The following CAMK2B variants were observed in gnomAD, a reference collection of about 807,000 sequenced individuals.
The protein encoded by CAMK2B is calcium/calmodulin-dependent protein kinase type II subunit beta.
Under a neutral mutation model 93.7 loss-of-function variants are expected in CAMK2B, and 27 were observed. The observed-to-expected ratio is 0.29, with a 90% CI of 0.21 to 0.40. CAMK2B has a LOEUF of 0.40. Ranked by LOEUF, CAMK2B falls within the 10% of genes least tolerant of loss-of-function variation. CAMK2B has a pLI of 1.00. For missense variants in CAMK2B, 568 were observed against 895.8 expected (o/e 0.63, Z 4.67); for synonymous variants, 374 against 358.8 (o/e 1.04, Z -0.48).
At chr7:44,253,360 T>C (rs1170048364) in intron 5 of CAMK2B, among the ~76,000 whole-genome samples, 2 of 151,840 alleles carry the variant, frequency 1.3e-5, no homozygotes, top group African/African-American at 4.8e-5. Context: ...ATTACAGGCA[T>C]GCGCCACCAC....
intron 1 of CAMK2B, among the ~76,000 whole-genome samples, chr7:44,303,118 T>C (rs572248657): frequency 3.0e-4 from 45 of 152,304 alleles, no homozygotes; most frequent in African/African-American, 9.9e-4. Flanking sequence ...CAATGAATGA[T>C]TGGAATTGGA....
chr7:44,312,299 T>G lies in CAMK2B; in HGVS notation c.65+13058A>C, dbSNP rs1584899259. ...CAGCCAGGTGTCAGTGGCGAGAGGG[T>G]GGTGGTGGGAGGGTGGGGCAGAGAC... On this transcript the variant is annotated intron_variant, in intron 1 of 23. Coordinates refer to ENST00000395749, the MANE Select transcript of CAMK2B (RefSeq NM_001220.5). This position sits in a 1 kb window ranked among gnomAD's most constrained non-coding sequence, Gnocchi z 4.1. Among the ~76,000 whole-genome samples the G allele has an allele frequency of 1.4e-5, 2 of 145,400 alleles. No individual in the cohort carries two copies. The highest frequency in any genetic ancestry group is 2.5e-5 in the African/African-American group (1 of 39,480).
At chr7:44,233,887 C>T (rs1372384961) in intron 15 of CAMK2B, among the ~76,000 whole-genome samples, 4 of 152,322 alleles carry the variant, frequency 2.6e-5, no homozygotes, top group South Asian at 4.1e-4. Context: ...ACTGCACCAC[C>T]GTGGCCCCGT....
chr7:44,280,126 C>T (rs1001621021), intron 2 of CAMK2B, among the ~76,000 whole-genome samples: 23 of 152,216 alleles, frequency 1.5e-4, no homozygotes, highest in Admixed American at 1.4e-3. Context: ...CCCGAGGTCT[C>T]GCACAATTGA....
intron 2 of CAMK2B, among the ~76,000 whole-genome samples, chr7:44,277,723 C>G (rs73097724): frequency 0.059 from 8,973 of 152,162 alleles, 346 homozygotes; most frequent in Non-Finnish European, 0.079. Flanking sequence ...CCAACCCTTG[C>G]TCTCTGGGTC....
In CAMK2B at chr7:44,229,485, G is replaced by A; in HGVS notation, c.1242C>T (p.Asp414=). 1.4e-6 allele frequency: 2 copies of A among 1,448,004 alleles called. No homozygotes were observed. Among genetic ancestry groups the A allele is most frequent in the Non-Finnish European group, 1.8e-6 (2 of 1,099,542 alleles). The allele number at this position is 1,448,004 out of a possible 1,614,324, so 89.7% of individuals were successfully genotyped here. A position where few individuals can be genotyped will look rare whatever the true frequency, so the allele number is the denominator to read the frequency against. ...AGCCCCTCCTCACTGAGCTCAGGAT[G>A]TCGGGGACCCTGGGGGCTGAGGCGG... ...DEDAKAPRVP[D]ILSSVRRGSG... The change falls in exon 18 of 24, where the codon GAC becomes GAT. Residue 414 remains aspartate (D), a synonymous_variant. Coordinates refer to ENST00000395749, the MANE Select transcript of CAMK2B (RefSeq NM_001220.5).
chr7:44,252,073 T>C (rs2096785796), intron 5 of CAMK2B, among the ~76,000 whole-genome samples: 1 of 151,948 alleles, frequency 6.6e-6, no homozygotes, highest in Non-Finnish European at 1.5e-5. Context: ...TGTGTGTCCA[T>C]CCGAGACTCA....
chr7:44,320,852 A>G (rs978638151), intron 1 of CAMK2B, among the ~76,000 whole-genome samples: 4 of 152,198 alleles, frequency 2.6e-5, no homozygotes, highest in African/African-American at 9.7e-5. Context: ...CACTGGGGAC[A>G]CAACCATGGC....
chr7:44,313,497 T>TCCCAGAACGTGAGGTGAGG (rs1794082635), intron 1 of CAMK2B, among the ~76,000 whole-genome samples: 1 of 149,152 alleles, frequency 6.7e-6, no homozygotes, highest in Non-Finnish European at 1.5e-5. Context: ...CAAAATAGAG[T>TCCCAGAACGTGAGGTGAGG]CCCAGAACGT....
At chr7:44,275,319 C>T (rs2097023619) in intron 2 of CAMK2B, among the ~76,000 whole-genome samples, 1 of 152,266 alleles carries the variant, frequency 6.6e-6, no homozygotes, top group African/African-American at 2.4e-5. Context: ...GGGCCACACC[C>T]AGAACCAGAG....
chr7:44,252,849 G>C (rs2096792726), intron 5 of CAMK2B, among the ~76,000 whole-genome samples: 1 of 152,228 alleles, frequency 6.6e-6, no homozygotes, highest in African/African-American at 2.4e-5. Context: ...CTTCTAAGTA[G>C]AATATAAAGG....
intron 15 of CAMK2B, among the ~76,000 whole-genome samples, chr7:44,233,983 G>A (rs2096602607): frequency 6.6e-6 from 1 of 152,236 alleles, no homozygotes; most frequent in South Asian, 2.1e-4. Context: ...CCTTCGGAGT[G>A]GTCTGTGGGT....
chr7:44,247,330 G>C (rs1293578087), intron 5 of CAMK2B, 138 bp from the exon 6 acceptor site: 1 of 713,280 alleles, frequency 1.4e-6, no homozygotes, highest in Non-Finnish European at 2.5e-6. Context: ...GGAGATGCTG[G>C]CCAGGAGGGG....
At chr7:44,272,805 T>C (rs922761919) in intron 2 of CAMK2B, among the ~76,000 whole-genome samples, 3 of 152,236 alleles carry the variant, frequency 2.0e-5, no homozygotes, top group African/African-American at 7.2e-5. Flanking sequence ...TGGGGTCCAC[T>C]TGGCCTTTCA....
At chr7:44,227,992 G>T (rs148209501) in intron 19 of CAMK2B, among the ~76,000 whole-genome samples, 1 of 151,674 alleles carries the variant, frequency 6.6e-6, no homozygotes, top group South Asian at 2.1e-4. Flanking sequence ...GTGCTGCTGC[G>T]GACAGCGTGG....
intron 18 of CAMK2B, 55 bp downstream of exon 18, chr7:44,229,333 G>A (rs907147842): frequency 7.9e-6 from 10 of 1,263,954 alleles, no homozygotes; most frequent in African/African-American, 1.5e-5. Context: ...GCCCCTCTAG[G>A]GGGTTGCCAG....
At position 44,271,847 on chromosome 7, in the gene CAMK2B, T is replaced by C. The variant is rs1288554788; in HGVS notation, c.161-8783A>G. Among the ~76,000 whole-genome samples, 2 of 152,222 alleles carry C rather than the reference T, an allele frequency of 1.3e-5. No homozygotes were observed. The highest frequency in any genetic ancestry group is 4.8e-5 in the African/African-American group (2 of 41,460). ...ATGGGCAGGTCCCGGCCATTCCTCC[T>C]AAAAGGAAAACTGCTCCTTGAGAAT... is the stretch of plus-strand genomic sequence containing the variant. On this transcript the variant is annotated intron_variant, in intron 2 of 23. Transcript: ENST00000395749. The surrounding 1 kb of genome is among the most constrained non-coding windows in gnomAD (Gnocchi z 4.2).
At chr7:44,239,168 G>A (rs1258204790) in intron 13 of CAMK2B, among the ~76,000 whole-genome samples, 1 of 152,232 alleles carries the variant, frequency 6.6e-6, no homozygotes, top group Non-Finnish European at 1.5e-5. Flanking sequence ...CGGCCCCAGA[G>A]GGGCAGGGTG....
chr7:44,234,281 G>T, intron 15 of CAMK2B, 109 bp downstream of exon 15: 1 of 966,424 alleles, frequency 1.0e-6, no homozygotes, highest in Non-Finnish European at 1.5e-6. Context: ...CTGTCAGACA[G>T]GCCAGGCGGG....
Sources: allele counts gnomAD v4.1 joint callset (sites outside exome capture counted in the v4.1 genomes callset), GRCh38; gene constraint gnomAD v4.1.1; non-coding constraint Gnocchi (gnomAD v3.1); transcripts MANE v1.5; gene names NCBI Gene and HGNC (gene_info 2026-07-23, HGNC 2026-07-21).